The following SCML4 variants were observed in gnomAD, a reference collection of about 807,000 sequenced individuals.
SCML4 encodes the protein sex comb on midleg-like protein 4.
In SCML4, 34 loss-of-function variants were observed where a neutral mutation model predicts 41.1. The ratio of observed to expected loss-of-function variants is 0.83; its 90% CI spans 0.63 to 1.10. SCML4 has a LOEUF of 1.10. SCML4 is among the 50% of genes least tolerant of loss of function. SCML4 has a pLI of 0.00. For missense variants in SCML4, 522 were observed against 534.1 expected, an observed-to-expected ratio of 0.98 and a Z score of 0.22; for synonymous variants, 214 against 220.9, an observed-to-expected ratio of 0.97 and a Z score of 0.28.
chr6:107,724,784 C>A (rs771453944), intron 5 of SCML4, among the ~76,000 whole-genome samples: 1 of 152,128 alleles, frequency 6.6e-6, no homozygotes, highest in Non-Finnish European at 1.5e-5. Flanking sequence ...AATTCCAGAA[C>A]TCATATGGAA....
rs2114311332 is a variant in SCML4, at chr6:107,703,041, C to T, written c.*2159G>A. Among the ~76,000 whole-genome samples the T allele has an allele frequency of 6.6e-6, 1 of 152,278 alleles. No individual in the cohort carries two copies. Among genetic ancestry groups the T allele is most frequent in the South Asian group, 2.1e-4 (1 of 4,826 alleles). ...CCTCGCTGCTATACTACCACCAGTG[C>T]CATGACGGTTTACAAATGCCATGGC... On this transcript the variant is annotated 3_prime_UTR_variant, in exon 8 of 8. Transcript: ENST00000369020.
At position 107,745,044 on chromosome 6, in the gene SCML4, A is replaced by G. The variant is rs1777944593; in HGVS notation, c.587T>C (p.Leu196Pro). ...GTGGCTGAAGAGGTCATCGCACAGG[A>G]GGCTTCGGCACAGCTTGGCGAGGAA... is the stretch of plus-strand genomic sequence containing the variant. ...LRFLAKLCRS[L>P]LCDDLFSHQP... Residue 196 changes from leucine (L) to proline (P), a missense_variant, in exon 5 of 8, where the codon CTC becomes CCC. Coordinates refer to ENST00000369020, the MANE Select transcript of SCML4 (RefSeq NM_198081.5). 1 of 1,614,108 alleles carries G rather than the reference A, an allele frequency of 6.2e-7. No homozygotes were observed. The highest frequency in any genetic ancestry group is 8.5e-7 in the Non-Finnish European group (1 of 1,179,982).
At chr6:107,780,821 AT>A (rs1781430072) in intron 1 of SCML4, among the ~76,000 whole-genome samples, 2 of 152,246 alleles carry the variant, frequency 1.3e-5, no homozygotes, top group African/African-American at 4.8e-5. Flanking sequence ...ACATATTATT[AT>A]TACCAGAACA....
upstream of SCML4, among the ~76,000 whole-genome samples, chr6:107,828,578 G>A (rs1260313609): frequency 5.9e-5 from 9 of 152,170 alleles, no homozygotes; most frequent in Non-Finnish European, 1.3e-4. Context: ...AGAGAGCATG[G>A]AGAAAGAACA....
chr6:107,844,946 A>G, the SCML4 span, among the ~76,000 whole-genome samples: 2 of 151,696 alleles, frequency 1.3e-5, no homozygotes, highest in East Asian at 3.9e-4. Context: ...AAAAAAAAAA[A>G]AAAAAAAGGC....
At chr6:107,818,508 C>T (rs1784715180) in intron 1 of SCML4, among the ~76,000 whole-genome samples, 1 of 152,220 alleles carries the variant, frequency 6.6e-6, no homozygotes, top group Non-Finnish European at 1.5e-5. Flanking sequence ...AAAGCCTTGA[C>T]ATCACCAAAA....
chr6:107,801,896 C>G (rs929180174), intron 1 of SCML4, among the ~76,000 whole-genome samples: 1 of 151,866 alleles, frequency 6.6e-6, no homozygotes, highest in African/African-American at 2.4e-5. Context: ...TCCCGAGTAG[C>G]TGGGATTACA....
chr6:107,831,655 A>C, the SCML4 span, among the ~76,000 whole-genome samples: 2 of 152,228 alleles, frequency 1.3e-5, no homozygotes, highest in African/African-American at 4.8e-5. Context: ...TGAGTGGCTC[A>C]TGCCTGTGGT....
At chr6:107,802,203 A>T (rs1783194682) in intron 1 of SCML4, among the ~76,000 whole-genome samples, 1 of 152,234 alleles carries the variant, frequency 6.6e-6, no homozygotes, top group African/African-American at 2.4e-5. Flanking sequence ...AGAGACAGAC[A>T]ATAAACAACC....
the SCML4 span, among the ~76,000 whole-genome samples, chr6:107,833,726 AT>A: frequency 6.6e-6 from 1 of 152,302 alleles, no homozygotes; most frequent in East Asian, 1.9e-4. Context: ...ACTAAAAGGA[AT>A]GTGAATAGCA....
Position 107,772,290 on chromosome 6 carries a change from C to G in SCML4, c.38G>C (p.Arg13Pro), listed in dbSNP as rs1467901141. 6.4e-7 allele frequency: 1 copy of G among 1,551,450 alleles called. No individual in the cohort carries two copies. The highest frequency in any genetic ancestry group is 8.7e-7 in the Non-Finnish European group (1 of 1,146,924). ...SQRIPGRKRG[R>P]PSLHSTPMKM... is the part of the protein sequence containing the mutation. ...CATAGGCGTGGAGTGAAGTGAGGGT[C>G]GGCCTCGCTTTCTCCCCGGGATCCT... Residue 13 changes from arginine (R) to proline (P), a missense_variant, in exon 2 of 8, where the codon CGA becomes CCA. By Grantham distance (103) the Arg-to-Pro change is moderately radical. Coordinates refer to ENST00000369020, the MANE Select transcript of SCML4 (RefSeq NM_198081.5).
chr6:107,796,260 G>T (rs77619470), intron 1 of SCML4, among the ~76,000 whole-genome samples: 1 of 152,058 alleles, frequency 6.6e-6, no homozygotes, highest in Admixed American at 6.6e-5. Flanking sequence ...ATTTTCCAAT[G>T]GTTATACCAT....
the SCML4 span, among the ~76,000 whole-genome samples, chr6:107,844,025 A>G: frequency 6.6e-6 from 1 of 152,218 alleles, no homozygotes; most frequent in Non-Finnish European, 1.5e-5. Flanking sequence ...TAATGATGGC[A>G]GATTGGGTGG....
At chr6:107,828,427 C>T (rs1000745764), upstream of SCML4, among the ~76,000 whole-genome samples, 9 of 152,318 alleles carry the variant, frequency 5.9e-5, no homozygotes, top group South Asian at 1.2e-3. Context: ...AACAGGATGA[C>T]GCTTTGGGTT....
upstream of SCML4, among the ~76,000 whole-genome samples, chr6:107,828,424 T>C (rs9384662): frequency 0.98 from 149,222 of 152,326 alleles, 73,170 homozygotes; most frequent in Middle Eastern, 1. Context: ...TGAAACAGGA[T>C]GACGCTTTGG....
chr6:107,743,410 T>C (rs1223372198), intron 5 of SCML4, among the ~76,000 whole-genome samples: 1 of 152,222 alleles, frequency 6.6e-6, no homozygotes, highest in Non-Finnish European at 1.5e-5. Flanking sequence ...CATGGGTCAT[T>C]GTGTGTTCAA....
chr6:107,803,513 G>A (rs1783453165), intron 1 of SCML4, among the ~76,000 whole-genome samples: 1 of 149,740 alleles, frequency 6.7e-6, no homozygotes, highest in African/African-American at 2.5e-5. Context: ...GAAGTGAGGA[G>A]CCCCTCTGCC....
chr6:107,775,435 G>A (rs530822698), intron 1 of SCML4, among the ~76,000 whole-genome samples: 5 of 152,326 alleles, frequency 3.3e-5, no homozygotes, highest in Middle Eastern at 3.4e-3. Context: ...GTGACTTGCT[G>A]TATCTCTGAC....
rs1242471868 is a variant in SCML4 at position 107,794,859 on chromosome 6, T to C, written c.-59-22473A>G. Among the ~76,000 whole-genome samples the C allele has an allele frequency of 2.0e-5, 3 of 152,172 alleles. No homozygotes were observed. The East Asian group carries it at 5.8e-4, about 29-fold the overall frequency. On this transcript the variant is annotated intron_variant, in intron 1 of 7. Coordinates refer to ENST00000369020, the MANE Select transcript of SCML4 (RefSeq NM_198081.5). ...GGAGGATCTGAGAATCTGTTTCCTGTCCCTTTCCTAGCCTCTGGTATTTGG... is the reference window on the plus strand; with the variant it reads ...GGAGGATCTGAGAATCTGTTTCCTGCCCCTTTCCTAGCCTCTGGTATTTGG...
Sources: gnomAD v4.1 joint callset for allele counts (sites outside exome capture counted in the v4.1 genomes callset) on GRCh38, gnomAD v4.1.1 for gene constraint, MANE v1.5 for transcripts, NCBI Gene and HGNC (gene_info 2026-07-23, HGNC 2026-07-21) for gene names.